The following NEBL variants were observed in gnomAD, a reference collection of about 807,000 sequenced individuals.
NEBL encodes the protein nebulette.
In NEBL, 122 loss-of-function variants were observed where a neutral mutation model predicts 140.2. That is an observed-to-expected ratio of 0.87 (90% confidence interval 0.75 to 1.01). The LOEUF is 1.01. Among genes scored for constraint, NEBL ranks in the 50% least tolerant of loss-of-function variants. The pLI is 0.00. For missense variants in NEBL, 1,365 were observed against 1,231.3 expected, an observed-to-expected ratio of 1.11 and a Z score of -1.62; for synonymous variants, 436 against 398.9, an observed-to-expected ratio of 1.09 and a Z score of -1.11.
intron 2 of NEBL, among the ~76,000 whole-genome samples, chr10:21,048,330 G>A (rs145435685): frequency 4.9e-4 from 75 of 152,018 alleles, no homozygotes; most frequent in African/African-American, 1.4e-3. Context: ...GGGGAAACAC[G>A]GCTGGAAAAC....
At chr10:20,961,824 T>C in intron 3 of NEBL, 1 of 1,458,186 alleles carries the variant, frequency 6.9e-7, no homozygotes, top group Non-Finnish European at 9.6e-7. Flanking sequence ...GGATCACGAA[T>C]CCCACTCGGG....
Position 20,784,190 on chromosome 10 carries a change from G to T in NEBL, c.*1557C>A, listed in dbSNP as rs61612063. 6.6e-6 allele frequency: 1 copy of T among 151,962 alleles called. No individual in the cohort carries two copies. Among genetic ancestry groups the T allele is most frequent in the East Asian group, 1.9e-4 (1 of 5,188 alleles). 9.4% of individuals were successfully genotyped at this position (151,962 alleles called of 1,614,324 possible). ...TACTTTTTTGCAGTTTTGCTTTTTC[G>T]GTTTTGTCATAGCTGTGAAGTCAGA... is the stretch of plus-strand genomic sequence containing the variant. On this transcript the variant is annotated 3_prime_UTR_variant, in exon 28 of 28. Coordinates refer to ENST00000377122, the MANE Select transcript of NEBL (RefSeq NM_006393.3).
chr10:21,264,571 T>TG (rs760566573), intron 1 of NEBL, among the ~76,000 whole-genome samples: 28 of 150,870 alleles, frequency 1.9e-4, no homozygotes, highest in Non-Finnish European at 1.2e-4. Context: ...AGTTTACAGG[T>TG]GGGGAAAAAA....
intron 4 of NEBL, among the ~76,000 whole-genome samples, chr10:20,951,115 AAC>A (rs2131593457): frequency 6.6e-6 from 1 of 152,336 alleles, no homozygotes; most frequent in Non-Finnish European, 1.5e-5. Flanking sequence ...ATTCGAAAAA[AAC>A]AAAAAAAGAA....
intron 2 of NEBL, among the ~76,000 whole-genome samples, chr10:21,086,772 G>C (rs1202094598): frequency 6.6e-6 from 1 of 152,054 alleles, no homozygotes; most frequent in African/African-American, 2.4e-5. Context: ...GCAAGACCCT[G>C]ACTCAAAAAT....
chr10:20,880,799 T>C lies in NEBL; in HGVS notation c.475A>G (p.Ser159Gly), dbSNP rs374410634. 16 of 1,607,256 alleles carry C rather than the reference T, an allele frequency of 1.0e-5. No homozygotes were observed. Among genetic ancestry groups the C allele is most frequent in the Non-Finnish European group, 1.2e-5 (14 of 1,173,838 alleles). The change falls in exon 5 of 28, where the codon AGT becomes GGT. Residue 159 changes from serine to glycine, a missense_variant. Transcript: ENST00000377122. ...KHAMEVNKHQ[S>G]NISYRKDVQD... ...TGAGAAATGCGCTTCCTTACATTAC[T>C]CTGGTGTTTATTGACCTCCATGGCA...
chr10:20,866,539 C>G (rs551134664), intron 7 of NEBL, among the ~76,000 whole-genome samples: 4 of 152,254 alleles, frequency 2.6e-5, no homozygotes, highest in African/African-American at 9.6e-5. Flanking sequence ...CCTTTTTATA[C>G]GTGCACAACT....
chr10:20,894,055 T>A (rs1440643133), intron 2 of NEBL, among the ~76,000 whole-genome samples: 1 of 152,206 alleles, frequency 6.6e-6, no homozygotes, highest in Non-Finnish European at 1.5e-5. Flanking sequence ...TGTACCACTC[T>A]GCACAGTTCT....
At chr10:20,913,161 C>T (rs1165523620) in intron 4 of NEBL, among the ~76,000 whole-genome samples, 1 of 152,072 alleles carries the variant, frequency 6.6e-6, no homozygotes, top group Non-Finnish European at 1.5e-5. Flanking sequence ...GTGAGAGCTG[C>T]ACAAAGGTCA....
chr10:20,837,621 A>G (rs541294517), intron 13 of NEBL, among the ~76,000 whole-genome samples: 82 of 152,310 alleles, frequency 5.4e-4, no homozygotes, highest in Non-Finnish European at 1.1e-3. Flanking sequence ...ACTAAACAAC[A>G]GATTTTTGAT....
chr10:21,166,383 T>C (rs1436994365), intron 2 of NEBL, among the ~76,000 whole-genome samples: 1 of 152,186 alleles, frequency 6.6e-6, no homozygotes, highest in African/African-American at 2.4e-5. Context: ...TCTCTTTTCT[T>C]CCTTCTTTCA....
At chr10:20,833,044 G>A (rs1301958270) in intron 14 of NEBL, among the ~76,000 whole-genome samples, 3 of 152,172 alleles carry the variant, frequency 2.0e-5, no homozygotes, top group African/African-American at 7.2e-5. Flanking sequence ...ATGGTAAAAG[G>A]ATGTAACAAT....
chr10:20,956,963 G>C (rs565876309), intron 4 of NEBL, among the ~76,000 whole-genome samples: 2 of 152,112 alleles, frequency 1.3e-5, no homozygotes, highest in Non-Finnish European at 2.9e-5. Flanking sequence ...TTGACTGCTT[G>C]TCTTCTGTCC....
At chr10:20,791,046 AG>A (rs1835918195) in intron 26 of NEBL, among the ~76,000 whole-genome samples, 1 of 152,216 alleles carries the variant, frequency 6.6e-6, no homozygotes, top group Admixed American at 6.5e-5. Context: ...TGAGTTTGAC[AG>A]GTTGTTTTAT....
chr10:21,136,050 C>T (rs1220625182), intron 2 of NEBL, among the ~76,000 whole-genome samples: 1 of 152,180 alleles, frequency 6.6e-6, no homozygotes, highest in Non-Finnish European at 1.5e-5. Flanking sequence ...ACCAGGGAGT[C>T]CCCAACCTCA....
intron 2 of NEBL, among the ~76,000 whole-genome samples, chr10:21,089,992 C>T (rs968617170): frequency 8.5e-5 from 13 of 152,108 alleles, no homozygotes; most frequent in African/African-American, 2.7e-4. Context: ...GATGACTCCC[C>T]GGTTTGTATT....
chr10:20,846,936 T>TC (rs1331775160), intron 11 of NEBL, among the ~76,000 whole-genome samples: 8 of 152,054 alleles, frequency 5.3e-5, no homozygotes, highest in Non-Finnish European at 1.0e-4. Context: ...AATTTAAAGA[T>TC]TTCCTCCAGA....
Position 20,785,636 on chromosome 10 carries a change from G to C in NEBL, c.*111C>G. The C allele has an allele frequency of 8.1e-7, 1 of 1,236,278 alleles. No individual in the cohort carries two copies. The highest frequency in any genetic ancestry group is 1.5e-5 in the African/African-American group (1 of 66,584). The allele number at this position is 1,236,278 out of a possible 1,614,324, so 76.6% of individuals were successfully genotyped here. ...CTGTGTGTCTAATTGTCAAAGGAAGGATACATCATTGTAAAATAATGGCCA... is the reference window on the plus strand; with the variant it reads ...CTGTGTGTCTAATTGTCAAAGGAAGCATACATCATTGTAAAATAATGGCCA... On this transcript the variant is annotated 3_prime_UTR_variant, in exon 28 of 28. Coordinates refer to ENST00000377122, the MANE Select transcript of NEBL (RefSeq NM_006393.3).
chr10:20,794,588 C>T (rs1836322842), intron 26 of NEBL, among the ~76,000 whole-genome samples: 1 of 152,128 alleles, frequency 6.6e-6, no homozygotes, highest in Admixed American at 6.5e-5. Context: ...TCATATTGTG[C>T]AACCTGCATC....
Sources: allele counts gnomAD v4.1 joint callset (sites outside exome capture counted in the v4.1 genomes callset), GRCh38; gene constraint gnomAD v4.1.1; transcripts MANE v1.5; gene names NCBI Gene and HGNC (gene_info 2026-07-23, HGNC 2026-07-21).